Variants in MLLT3 observed in about 807,000 individuals in gnomAD.
The protein encoded by MLLT3 is MLLT3 super elongation complex subunit.
Under a neutral mutation model 53.2 loss-of-function variants are expected in MLLT3, and 4 were observed. That is an observed-to-expected ratio of 0.08 (90% CI 0.04 to 0.17). The LOEUF is 0.17. MLLT3 is among the 10% of genes least tolerant of loss of function. The probability of loss-of-function intolerance (pLI) is 1.00; values close to 1 mark genes in which losing one functional copy is unlikely to be tolerated. For missense variants in MLLT3, 569 were observed against 684.0 expected (o/e 0.83, Z 1.87); for synonymous variants, 283 against 230.6 (o/e 1.23, Z -2.06).
intron 2 of MLLT3, among the ~76,000 whole-genome samples, chr9:20,481,540 G>C (rs1740601285): frequency 1.3e-5 from 2 of 152,094 alleles, no homozygotes; most frequent in African/African-American, 4.8e-5. Flanking sequence ...GGGGTTCCTA[G>C]AACCAACACC....
chr9:20,407,267 G>A (rs988599508), intron 5 of MLLT3, among the ~76,000 whole-genome samples: 1 of 152,128 alleles, frequency 6.6e-6, no homozygotes, highest in African/African-American at 2.4e-5. Context: ...AAATTCTCTT[G>A]CAAAAGCACA....
Position 20,448,059 on chromosome 9 carries a change from T to TG in MLLT3, c.420+63dup. On this transcript the variant is annotated intron_variant, in intron 4 of 10. Transcript: ENST00000380338. This position sits in a 1 kb window ranked among gnomAD's most constrained non-coding sequence, Gnocchi z 4.0. ...TTAACACATGAGGAACTAGTTTGTT[T>TG]GTTTTTTTTTTTGTTGTTGTTGTTT... 2 of 1,484,228 alleles carry TG rather than the reference T, an allele frequency of 1.3e-6. No homozygotes were observed. 91.9% of individuals were successfully genotyped at this position (1,484,228 alleles called of 1,614,324 possible).
At chr9:20,555,407 A>G (rs867451235) in intron 2 of MLLT3, among the ~76,000 whole-genome samples, 3 of 152,136 alleles carry the variant, frequency 2.0e-5, no homozygotes, top group Non-Finnish European at 2.9e-5. Flanking sequence ...TCTCCCACCC[A>G]AAGTCCTAGG....
intron 4 of MLLT3, among the ~76,000 whole-genome samples, chr9:20,445,946 T>C (rs1196725515): frequency 1.3e-5 from 2 of 152,186 alleles, no homozygotes; most frequent in African/African-American, 2.4e-5. Flanking sequence ...AACACCATGA[T>C]AGGCTGCATT....
chr9:20,594,192 C>T (rs933322039), intron 2 of MLLT3, among the ~76,000 whole-genome samples: 3 of 152,248 alleles, frequency 2.0e-5, no homozygotes, highest in Middle Eastern at 6.8e-3. Flanking sequence ...CCGCCTACCT[C>T]GGCCTCCCAA....
intron 4 of MLLT3, among the ~76,000 whole-genome samples, chr9:20,427,860 A>G (rs1476045367): frequency 6.6e-6 from 1 of 152,118 alleles, no homozygotes; most frequent in Non-Finnish European, 1.5e-5. Context: ...TATATAATAT[A>G]AAATTGCAAG....
intron 2 of MLLT3, among the ~76,000 whole-genome samples, chr9:20,503,071 A>G (rs1334929151): frequency 6.6e-6 from 1 of 152,252 alleles, no homozygotes; most frequent in Non-Finnish European, 1.5e-5. Flanking sequence ...AATAAGTGGA[A>G]AGACATACTG....
At chr9:20,363,662 A>G in intron 6 of MLLT3, 57 bp from the exon 7 acceptor site, 2 of 1,564,606 alleles carry the variant, frequency 1.3e-6, no homozygotes, top group Non-Finnish European at 8.7e-7. Flanking sequence ...ACACTTAGCC[A>G]TATTAGAAAC....
chr9:20,576,782 T>C (rs909850544), intron 2 of MLLT3, among the ~76,000 whole-genome samples: 2 of 151,830 alleles, frequency 1.3e-5, no homozygotes, highest in African/African-American at 4.8e-5. Flanking sequence ...ACACATGCTG[T>C]TGGAGAAATG....
chr9:20,350,311 G>A (rs1198668118), intron 10 of MLLT3, among the ~76,000 whole-genome samples: 1 of 152,080 alleles, frequency 6.6e-6, no homozygotes, highest in East Asian at 1.9e-4. Flanking sequence ...AAGAAAAACA[G>A]GCGGCCGGGC....
Position 20,515,344 on chromosome 9 carries a change from G to A in MLLT3, c.194-58558C>T, listed in dbSNP as rs551293410. ...GCATTCAGTGCTGAGGGGCCTGCCT[G>A]AAGTTTGGCCAAGTTTGTTTTGAAA... On this transcript the variant is annotated intron_variant, in intron 2 of 10. Transcript: ENST00000380338. 4.1e-3 allele frequency among the ~76,000 whole-genome samples: 622 copies of A among 152,326 alleles called. 5 individuals carry two copies. Among genetic ancestry groups the A allele is most frequent in the African/African-American group, 0.014 (601 of 41,562 alleles).
At chr9:20,467,939 C>T (rs1182530626) in intron 2 of MLLT3, among the ~76,000 whole-genome samples, 1 of 152,146 alleles carries the variant, frequency 6.6e-6, no homozygotes, top group African/African-American at 2.4e-5. Context: ...CAACAGGCAG[C>T]ATTTTGCGGA....
At chr9:20,491,185 T>A (rs2118922450) in intron 2 of MLLT3, among the ~76,000 whole-genome samples, 1 of 152,282 alleles carries the variant, frequency 6.6e-6, no homozygotes, top group South Asian at 2.1e-4. Context: ...ACTATGTACT[T>A]CTTCCTGCAT....
chr9:20,492,791 T>C lies in MLLT3; in HGVS notation c.194-36005A>G, dbSNP rs1186766231. Among the ~76,000 whole-genome samples the C allele has an allele frequency of 3.3e-5, 5 of 151,984 alleles. No individual in the cohort carries two copies. The East Asian group carries it at 9.6e-4, about 29-fold the overall frequency. ...CATTAATATGCTAAACTAAGAATTT[T>C]AGTAAGTACATAGAAAATATAGCTT... On this transcript the variant is annotated intron_variant, in intron 2 of 10. Coordinates refer to ENST00000380338, the MANE Select transcript of MLLT3 (RefSeq NM_004529.4).
At chr9:20,392,321 C>T (rs917407379) in intron 5 of MLLT3, among the ~76,000 whole-genome samples, 2 of 152,248 alleles carry the variant, frequency 1.3e-5, no homozygotes, top group East Asian at 3.9e-4. Context: ...TAAAATGTGA[C>T]ACCAAACATA....
rs138259943 is a variant in MLLT3 at position 20,419,607 on chromosome 9, C to T, written c.421-5182G>A. On this transcript the variant is annotated intron_variant, in intron 4 of 10. Coordinates refer to ENST00000380338, the MANE Select transcript of MLLT3 (RefSeq NM_004529.4). ...TAAAATTGAATAATAATTAAACTCACATTGTGCTTCTCATTTGTAATACTG... is the reference window on the plus strand; with the variant it reads ...TAAAATTGAATAATAATTAAACTCATATTGTGCTTCTCATTTGTAATACTG... 1.9e-4 allele frequency among the ~76,000 whole-genome samples: 29 copies of T among 151,182 alleles called. No individual in the cohort carries two copies. In the East Asian group the frequency reaches 5.6e-3, roughly 29 times the overall value.
intron 7 of MLLT3, chr9:20,362,807 A>G (rs1267440591): frequency 1.4e-5 from 2 of 145,570 alleles, no homozygotes; most frequent in Admixed American, 7.1e-5. Context: ...ATTGGATTTT[A>G]AATTCAAGTA....
intron 2 of MLLT3, among the ~76,000 whole-genome samples, chr9:20,607,234 TA>T (rs1820594049): frequency 6.6e-6 from 1 of 152,174 alleles, no homozygotes; most frequent in African/African-American, 2.4e-5. Flanking sequence ...TAACAAGTTT[TA>T]AAACAATTAC....
chr9:20,546,151 C>T (rs1818781452), intron 2 of MLLT3, among the ~76,000 whole-genome samples: 4 of 152,150 alleles, frequency 2.6e-5, no homozygotes, highest in Admixed American at 6.5e-5. Context: ...ACATGAACTC[C>T]CAACACACAG....
Sources: allele counts gnomAD v4.1 joint callset (sites outside exome capture counted in the v4.1 genomes callset), GRCh38; gene constraint gnomAD v4.1.1; non-coding constraint Gnocchi (gnomAD v3.1); transcripts MANE v1.5; gene names NCBI Gene and HGNC (gene_info 2026-07-23, HGNC 2026-07-21).